Variants in AKAP7 observed in about 807,000 individuals in gnomAD.
The protein encoded by AKAP7 is A-kinase anchoring protein 7.
AKAP7 carries 39 observed loss-of-function variants against 39.5 expected under a neutral mutation model. The observed-to-expected ratio is 0.99, with a 90% CI of 0.76 to 1.29. The LOEUF is 1.29. Ranked by LOEUF, AKAP7 falls within the 50% of genes most tolerant of loss-of-function variation. AKAP7 has a pLI of 0.00. For missense variants in AKAP7, 414 were observed against 407.7 expected (o/e 1.02, Z -0.13); for synonymous variants, 140 against 139.1 (o/e 1.01, Z -0.05).
At chr6:131,163,096 G>T (rs1803151562) in intron 3 of AKAP7, among the ~76,000 whole-genome samples, 1 of 152,164 alleles carries the variant, frequency 6.6e-6, no homozygotes, top group Admixed American at 6.5e-5. Context: ...AATAAATACA[G>T]TGTAATGGTG....
intron 6 of AKAP7, among the ~76,000 whole-genome samples, chr6:131,208,831 C>G (rs1054428669): frequency 1.3e-5 from 2 of 152,174 alleles, no homozygotes; most frequent in African/African-American, 4.8e-5. Flanking sequence ...CAGCCTCCAT[C>G]TAGGACTTTT....
At chr6:131,277,477 C>A (rs1007699750) in intron 7 of AKAP7, among the ~76,000 whole-genome samples, 1 of 152,086 alleles carries the variant, frequency 6.6e-6, no homozygotes, top group Non-Finnish European at 1.5e-5. Flanking sequence ...GTGTGTTGCG[C>A]CAGCATGTTG....
chr6:131,136,080 G>A (rs1800517020), intron 1 of AKAP7, among the ~76,000 whole-genome samples: 2 of 152,218 alleles, frequency 1.3e-5, no homozygotes, highest in Non-Finnish European at 2.9e-5. Context: ...GTGACCCTTT[G>A]CACAAAGTTC....
intron 2 of AKAP7, among the ~76,000 whole-genome samples, chr6:131,155,981 G>T (rs1424192857): frequency 1.3e-5 from 2 of 152,180 alleles, no homozygotes; most frequent in Admixed American, 1.3e-4. Context: ...TAAGTTCTCA[G>T]ATAAACCTAT....
chr6:131,138,275 A>G (rs553272533), intron 1 of AKAP7, among the ~76,000 whole-genome samples: 9 of 152,314 alleles, frequency 5.9e-5, no homozygotes, highest in African/African-American at 2.2e-4. Context: ...AGTTCCATCC[A>G]TGTTGCAAAT....
At position 131,203,198 on chromosome 6, in the gene AKAP7, C is replaced by T. The variant is rs373472229; in HGVS notation, c.702+3625C>T. Among the ~76,000 whole-genome samples the T allele has an allele frequency of 4.2e-4, 64 of 152,218 alleles. 1 individual carries two copies. In the South Asian group the frequency reaches 0.011, roughly 27 times the overall value. On this transcript the variant is annotated intron_variant, in intron 6 of 7. Coordinates refer to ENST00000431975, the MANE Select transcript of AKAP7 (RefSeq NM_016377.4). ...TTCATTTATTTACTTTACTATAATTCGTGGTTTGGTATGTAGATTATTTGA... is the reference window on the plus strand; with the variant it reads ...TTCATTTATTTACTTTACTATAATTTGTGGTTTGGTATGTAGATTATTTGA...
At chr6:131,274,631 C>T (rs1348050160) in intron 7 of AKAP7, among the ~76,000 whole-genome samples, 1 of 152,124 alleles carries the variant, frequency 6.6e-6, no homozygotes, top group Non-Finnish European at 1.5e-5. Flanking sequence ...TGCCACTGCA[C>T]CCAGCTCTCT....
intron 6 of AKAP7, among the ~76,000 whole-genome samples, chr6:131,214,835 T>G (rs1028003270): frequency 6.6e-6 from 1 of 152,232 alleles, no homozygotes; most frequent in African/African-American, 2.4e-5. Context: ...TTTTAATATT[T>G]TAAAGTAAAT....
chr6:131,153,983 G>A (rs569901757), intron 2 of AKAP7, among the ~76,000 whole-genome samples: 51 of 152,256 alleles, frequency 3.3e-4, no homozygotes, highest in South Asian at 2.3e-3. Flanking sequence ...ACCGAGGAAC[G>A]TGGATCACCT....
At chr6:131,195,569 C>T (rs1419631255) in intron 5 of AKAP7, among the ~76,000 whole-genome samples, 2 of 152,066 alleles carry the variant, frequency 1.3e-5, no homozygotes, top group Non-Finnish European at 2.9e-5. Flanking sequence ...CATTAATGTC[C>T]TTTTCTTTCA....
At chr6:131,225,683 C>A (rs747415771) in intron 7 of AKAP7, among the ~76,000 whole-genome samples, 15 of 151,604 alleles carry the variant, frequency 9.9e-5, no homozygotes, top group Non-Finnish European at 1.6e-4. Context: ...TTTTGTTTTT[C>A]CATGTAGGCT....
chr6:131,197,470 T>C (rs1807051203), intron 5 of AKAP7, among the ~76,000 whole-genome samples: 1 of 152,214 alleles, frequency 6.6e-6, no homozygotes, highest in South Asian at 2.1e-4. Context: ...ACTCCATCTC[T>C]TTCCCCCTTG....
At chr6:131,253,417 A>G (rs1317070294) in intron 7 of AKAP7, among the ~76,000 whole-genome samples, 1 of 152,210 alleles carries the variant, frequency 6.6e-6, no homozygotes, top group Admixed American at 6.5e-5. Context: ...AATCAGGGCA[A>G]TTAGGATATC....
chr6:131,229,569 G>A (rs1264482994), intron 7 of AKAP7, among the ~76,000 whole-genome samples: 1 of 152,020 alleles, frequency 6.6e-6, no homozygotes, highest in Non-Finnish European at 1.5e-5. Flanking sequence ...GGCTGTTCTT[G>A]AATTCCTGAC....
intron 6 of AKAP7, among the ~76,000 whole-genome samples, chr6:131,205,407 C>T (rs1183713367): frequency 6.6e-6 from 1 of 151,964 alleles, no homozygotes; most frequent in Non-Finnish European, 1.5e-5. Flanking sequence ...GTGAGGGTTT[C>T]CCAGTGGTGT....
intron 7 of AKAP7, among the ~76,000 whole-genome samples, chr6:131,252,762 C>CT (rs1238893140): frequency 6.6e-6 from 1 of 152,120 alleles, no homozygotes; most frequent in African/African-American, 2.4e-5. Context: ...GAGGGTCCAG[C>CT]TTTTTTCTGA....
At chr6:131,232,099 G>A (rs936159750) in intron 7 of AKAP7, among the ~76,000 whole-genome samples, 1 of 152,100 alleles carries the variant, frequency 6.6e-6, no homozygotes, top group African/African-American at 2.4e-5. Flanking sequence ...TGTGGCTCAG[G>A]CTATTTTGAA....
chr6:131,129,659 A>G, the AKAP7 span, among the ~76,000 whole-genome samples: 2 of 152,224 alleles, frequency 1.3e-5, no homozygotes, highest in African/African-American at 4.8e-5. Context: ...GTGTCTGACT[A>G]CTGAAATAAG....
chr6:131,139,681 T>G (rs1156574117), intron 1 of AKAP7, among the ~76,000 whole-genome samples: 1 of 152,212 alleles, frequency 6.6e-6, no homozygotes, highest in Non-Finnish European at 1.5e-5. Flanking sequence ...ATTTATTCAT[T>G]CAGTAAAAAT....
Sources: gnomAD v4.1 joint callset for allele counts (sites outside exome capture counted in the v4.1 genomes callset) on GRCh38, gnomAD v4.1.1 for gene constraint, MANE v1.5 for transcripts, NCBI Gene and HGNC (gene_info 2026-07-23, HGNC 2026-07-21) for gene names.